NOS1AP: variants seen among roughly 807,000 people sequenced by gnomAD.
NOS1AP encodes carboxyl-terminal PDZ ligand of neuronal nitric oxide synthase protein.
Under a neutral mutation model 56.2 loss-of-function variants are expected in NOS1AP, and 21 were observed. That is an observed-to-expected ratio of 0.37 (90% CI 0.26 to 0.54). The LOEUF (loss-of-function observed/expected upper bound fraction) is 0.54, where lower values mean the gene tolerates loss of function less well. Among genes scored for constraint, NOS1AP ranks in the 20% least tolerant of loss-of-function variants. NOS1AP has a pLI of 0.84. For missense variants in NOS1AP, 522 were observed against 657.8 expected (o/e 0.79, Z 2.26); for synonymous variants, 270 against 274.6 (o/e 0.98, Z 0.17).
At chr1:162,174,497 C>T (rs1479858530) in intron 2 of NOS1AP, among the ~76,000 whole-genome samples, 1 of 152,020 alleles carries the variant, frequency 6.6e-6, no homozygotes, top group Non-Finnish European at 1.5e-5. Flanking sequence ...CAACATGGCA[C>T]ATGTATACAT....
At chr1:162,227,315 G>C (rs1652978915) in intron 2 of NOS1AP, among the ~76,000 whole-genome samples, 1 of 152,150 alleles carries the variant, frequency 6.6e-6, no homozygotes, top group Non-Finnish European at 1.5e-5. Context: ...TGTGAATAAA[G>C]TACAGTAAGC....
intron 2 of NOS1AP, among the ~76,000 whole-genome samples, chr1:162,175,586 G>A (rs1331057853): frequency 6.6e-6 from 1 of 152,170 alleles, no homozygotes; most frequent in Non-Finnish European, 1.5e-5. Context: ...TTTTGTTGAA[G>A]GCATGGAGTT....
At chr1:162,089,516 A>C (rs1692081289) in intron 1 of NOS1AP, among the ~76,000 whole-genome samples, 1 of 152,224 alleles carries the variant, frequency 6.6e-6, no homozygotes, top group South Asian at 2.1e-4. Context: ...ATGGTCCCTC[A>C]AAAAGTATTC....
intron 2 of NOS1AP, among the ~76,000 whole-genome samples, chr1:162,220,891 T>C (rs1652745680): frequency 6.6e-6 from 1 of 152,186 alleles, no homozygotes; most frequent in South Asian, 2.1e-4. Context: ...ATCCAGAATT[T>C]GTTGACTAAT....
intron 2 of NOS1AP, among the ~76,000 whole-genome samples, chr1:162,285,203 C>T (rs1557863085): frequency 6.6e-6 from 1 of 152,172 alleles, no homozygotes; most frequent in African/African-American, 2.4e-5. Context: ...CAGACACACT[C>T]TTCTGTACTC....
intron 2 of NOS1AP, among the ~76,000 whole-genome samples, chr1:162,253,359 G>C (rs1047305596): frequency 6.6e-6 from 1 of 152,148 alleles, no homozygotes; most frequent in Non-Finnish European, 1.5e-5. Context: ...GGTGCAAAAT[G>C]AACTAATTCC....
chr1:162,242,239 C>A (rs145639467), intron 2 of NOS1AP, among the ~76,000 whole-genome samples: 94 of 152,298 alleles, frequency 6.2e-4, no homozygotes, highest in African/African-American at 2.2e-3. Flanking sequence ...TCTGCAAATT[C>A]TTTGAGACTC....
intron 1 of NOS1AP, among the ~76,000 whole-genome samples, chr1:162,145,494 C>T (rs1159415861): frequency 1.3e-5 from 2 of 152,136 alleles, no homozygotes; most frequent in Non-Finnish European, 2.9e-5. Context: ...AGTGTGTGCC[C>T]CGGAATCTGG....
intron 4 of NOS1AP, among the ~76,000 whole-genome samples, chr1:162,326,116 A>G (rs975530032): frequency 6.6e-6 from 1 of 152,206 alleles, no homozygotes; most frequent in African/African-American, 2.4e-5. Context: ...AAAAAGAAGA[A>G]GGTTGAGAGA....
chr1:162,202,618 A>T (rs1652033154), intron 2 of NOS1AP, among the ~76,000 whole-genome samples: 1 of 152,168 alleles, frequency 6.6e-6, no homozygotes, highest in Non-Finnish European at 1.5e-5. Flanking sequence ...AAATATTATG[A>T]ATAAATTTTT....
intron 2 of NOS1AP, among the ~76,000 whole-genome samples, chr1:162,285,817 G>A (rs1655071924): frequency 6.6e-6 from 1 of 152,158 alleles, no homozygotes; most frequent in Non-Finnish European, 1.5e-5. Context: ...GAGTGGAGGT[G>A]GGGAAGTGAC....
At chr1:162,226,020 G>A (rs138705605) in intron 2 of NOS1AP, among the ~76,000 whole-genome samples, 6,266 of 152,284 alleles carry the variant, frequency 0.041, 172 homozygotes, top group African/African-American at 0.079. Context: ...TTGGCTGGGC[G>A]TGGTGGCTCA....
At chr1:162,255,765 A>G (rs755449637) in intron 2 of NOS1AP, among the ~76,000 whole-genome samples, 3 of 152,064 alleles carry the variant, frequency 2.0e-5, no homozygotes, top group Non-Finnish European at 4.4e-5. Flanking sequence ...TGGTGAGGGC[A>G]GGGGTGGAAA....
intron 2 of NOS1AP, among the ~76,000 whole-genome samples, chr1:162,252,514 G>A (rs921587973): frequency 2.0e-4 from 31 of 152,178 alleles, no homozygotes; most frequent in African/African-American, 7.5e-4. Context: ...AGGCTGTGAG[G>A]TCAGCAAGCC....
intron 1 of NOS1AP, among the ~76,000 whole-genome samples, chr1:162,094,523 C>A (rs1692196793): frequency 6.6e-6 from 1 of 152,140 alleles, no homozygotes; most frequent in Non-Finnish European, 1.5e-5. Flanking sequence ...TAAACACAGT[C>A]ATGTTGATGG....
At chr1:162,227,257 A>G (rs1285032615) in intron 2 of NOS1AP, among the ~76,000 whole-genome samples, 1 of 152,156 alleles carries the variant, frequency 6.6e-6, no homozygotes, top group Non-Finnish European at 1.5e-5. Flanking sequence ...ACATATGAGC[A>G]TTTTTAGTAT....
intron 2 of NOS1AP, among the ~76,000 whole-genome samples, chr1:162,200,490 T>A (rs1651958067): frequency 6.6e-6 from 1 of 152,162 alleles, no homozygotes; most frequent in African/African-American, 2.4e-5. Flanking sequence ...CCCAATTGCC[T>A]GTATATTTTG....
At chr1:162,182,036 A>G (rs1029400881) in intron 2 of NOS1AP, among the ~76,000 whole-genome samples, 6 of 152,184 alleles carry the variant, frequency 3.9e-5, no homozygotes, top group Non-Finnish European at 8.8e-5. Context: ...TTTAATCCTC[A>G]GAGCTGTACA....
intron 1 of NOS1AP, among the ~76,000 whole-genome samples, chr1:162,070,719 T>C (rs1691642185): frequency 6.6e-6 from 1 of 152,104 alleles, no homozygotes; most frequent in Non-Finnish European, 1.5e-5. Flanking sequence ...GAGGAATGCC[T>C]GCTTCCTAAT....
Sources: allele counts gnomAD v4.1 joint callset (sites outside exome capture counted in the v4.1 genomes callset), GRCh38; gene constraint gnomAD v4.1.1; transcripts MANE v1.5; gene names NCBI Gene and HGNC (gene_info 2026-07-23, HGNC 2026-07-21).